CNGA1: variants seen among roughly 807,000 people sequenced by gnomAD.
CNGA1 encodes the protein cyclic nucleotide gated channel subunit alpha 1.
In CNGA1, 53 loss-of-function variants were observed where a neutral mutation model predicts 69.7. The observed-to-expected ratio is 0.76, with a 90% CI of 0.61 to 0.96. CNGA1 has a LOEUF of 0.96. CNGA1 is among the 40% of genes least tolerant of loss of function. The pLI is 0.00. For synonymous variants in CNGA1, 249 were observed against 283.5 expected, an observed-to-expected ratio of 0.88 and a Z score of 1.22; for missense variants, 739 against 811.2, an observed-to-expected ratio of 0.91 and a Z score of 1.08.
chr4:47,956,484 G>A (rs1040373880), intron 3 of CNGA1, among the ~76,000 whole-genome samples: 4 of 152,160 alleles, frequency 2.6e-5, no homozygotes, highest in Non-Finnish European at 4.4e-5. Context: ...GCTAATTCTG[G>A]CATATTGTTC....
intron 2 of CNGA1, among the ~76,000 whole-genome samples, chr4:48,010,377 C>G (rs1715101013): frequency 6.6e-6 from 1 of 152,214 alleles, no homozygotes; most frequent in African/African-American, 2.4e-5. Flanking sequence ...GATGCTTTTA[C>G]AGTGCACTTT....
Position 47,941,998 on chromosome 4 carries a change from T to C in CNGA1, c.545+43A>G, listed in dbSNP as rs375268181. 4.7e-5 allele frequency: 55 copies of C among 1,179,990 alleles called. No individual in the cohort carries two copies. The African/African-American group carries it at 9.0e-4, about 19-fold the overall frequency. The allele number at this position is 1,179,990 out of a possible 1,614,324, so 73.1% of individuals were successfully genotyped here. On this transcript the variant is annotated intron_variant, in intron 9 of 10. Coordinates refer to ENST00000514170, the MANE Select transcript of CNGA1 (RefSeq NM_001379270.1). ...AGTCAGTGAACTTGGAAACTAGAAA[T>C]GGGGTGAGATCCACAAAAAAAAAAA...
At chr4:48,006,045 G>T (rs559718550) in intron 2 of CNGA1, among the ~76,000 whole-genome samples, 3 of 152,192 alleles carry the variant, frequency 2.0e-5, no homozygotes, top group Non-Finnish European at 4.4e-5. Context: ...AAAAACAAAA[G>T]AATCAGCACC....
intron 3 of CNGA1, among the ~76,000 whole-genome samples, chr4:47,976,260 CATATAT>C (rs536418532): frequency 8.7e-5 from 2 of 22,946 alleles, no homozygotes; most frequent in African/African-American, 8.7e-4. Context: ...TATACACATA[CATATAT>C]ATATACATAT....
intron 3 of CNGA1, among the ~76,000 whole-genome samples, chr4:47,971,475 A>C (rs1741033965): frequency 6.6e-6 from 1 of 152,174 alleles, no homozygotes; most frequent in Admixed American, 6.6e-5. Context: ...ATGAACTATA[A>C]AATATGAATT....
Position 47,951,527 on chromosome 4 carries a change from G to A in CNGA1, c.108-58C>T, listed in dbSNP as rs1482756253. The A allele has an allele frequency of 2.7e-6, 3 of 1,115,384 alleles. No homozygotes were observed. In the African/African-American group the frequency reaches 4.6e-5, roughly 17 times the overall value. The allele number at this position is 1,115,384 out of a possible 1,614,324, so 69.1% of individuals were successfully genotyped here. ...TTAATGTTTTCAACCACTGCAGAGA[G>A]GCAACATTCCTCACTAGGGGGACAA... On this transcript the variant is annotated intron_variant, in intron 4 of 10. Transcript: ENST00000514170.
Position 47,983,944 on chromosome 4 carries a change from A to G in CNGA1, c.-122-2444T>C, listed in dbSNP as rs989504990. Among the ~76,000 whole-genome samples, 7 of 152,206 alleles carry G rather than the reference A, an allele frequency of 4.6e-5. No homozygotes were observed. In the East Asian group the frequency reaches 9.6e-4, roughly 21 times the overall value. ...AGAGGGTTACTAGATTTGGCAACTA[A>G]AAGTACAGTATAAGTATATATCAAA... On this transcript the variant is annotated intron_variant, in intron 2 of 10. Coordinates refer to ENST00000514170, the MANE Select transcript of CNGA1 (RefSeq NM_001379270.1).
chr4:47,947,862 G>C (rs1248050002), intron 6 of CNGA1, among the ~76,000 whole-genome samples: 1 of 152,154 alleles, frequency 6.6e-6, no homozygotes, highest in Non-Finnish European at 1.5e-5. Context: ...TGAGCACAAA[G>C]TTTGAAAATC....
intron 2 of CNGA1, among the ~76,000 whole-genome samples, chr4:47,994,210 T>A (rs573271517): frequency 6.6e-6 from 1 of 152,150 alleles, no homozygotes; most frequent in Non-Finnish European, 1.5e-5. Context: ...CAGGGTATAG[T>A]TTAAATCCAT....
intron 9 of CNGA1, among the ~76,000 whole-genome samples, chr4:47,941,681 T>C (rs1264540054): frequency 6.6e-6 from 1 of 152,120 alleles, no homozygotes; most frequent in African/African-American, 2.4e-5. Context: ...GGTACTGGGC[T>C]TAACACCTGG....
rs145520175 is a variant in CNGA1, at chr4:47,941,617, C to G, written c.545+424G>C. 2.7e-3 allele frequency among the ~76,000 whole-genome samples: 410 copies of G among 152,120 alleles called. 2 individuals are homozygous for G. Among genetic ancestry groups the G allele is most frequent in the Middle Eastern group, 0.014 (4 of 294 alleles). ...CCCCTCTAACAACAGACACTGGGGT[C>G]TATTTGAGAGTGGCAGGTGGGAAAA... On this transcript the variant is annotated intron_variant, in intron 9 of 10. Transcript: ENST00000514170.
chr4:47,951,476 T>TC lies in CNGA1; in HGVS notation c.108-8dup. The TC allele has an allele frequency of 6.4e-7, 1 of 1,569,142 alleles. No individual in the cohort carries two copies. The highest frequency in any genetic ancestry group is 2.2e-5 in the East Asian group (1 of 44,632). On this transcript the variant is annotated splice_polypyrimidine_tract_variant and splice_region_variant and intron_variant, in intron 4 of 10. Transcript: ENST00000514170. ...ATCATCCTCAGAAAAGGAGCTACAG[T>TC]CCAATAGGAGGCAGAGAGAGAAGAG...
At chr4:47,951,303 A>G (rs1255945850) in intron 5 of CNGA1, 50 bp downstream of exon 5, 1 of 1,201,002 alleles carries the variant, frequency 8.3e-7, no homozygotes, top group Admixed American at 1.7e-5. Context: ...CTGCAACCTT[A>G]AGCATAAATG....
chr4:48,008,719 G>A (rs753384727), intron 2 of CNGA1, among the ~76,000 whole-genome samples: 1 of 152,146 alleles, frequency 6.6e-6, no homozygotes, highest in Admixed American at 6.5e-5. Flanking sequence ...TTCTGAGACA[G>A]TGAAAAAGAC....
chr4:47,985,390 T>G (rs1400581720), intron 2 of CNGA1, among the ~76,000 whole-genome samples: 3 of 152,226 alleles, frequency 2.0e-5, no homozygotes, highest in African/African-American at 7.2e-5. Flanking sequence ...ATGATGTGAT[T>G]ATAATAAACA....
At position 47,947,168 on chromosome 4, in the gene CNGA1, T is replaced by G. The variant is rs117752158; in HGVS notation, c.287+2665A>C. On this transcript the variant is annotated intron_variant, in intron 6 of 10. Transcript: ENST00000514170. ...ATGTCATTTTCCACTCAGCACCTAT[T>G]TATCAGCCCCCACCTGTGGTCATAT... 1.6e-4 allele frequency among the ~76,000 whole-genome samples: 25 copies of G among 152,272 alleles called. No individual in the cohort carries two copies. The East Asian group carries it at 4.8e-3, about 29-fold the overall frequency.
At chr4:48,005,415 C>T (rs760913278) in intron 2 of CNGA1, among the ~76,000 whole-genome samples, 50 of 152,110 alleles carry the variant, frequency 3.3e-4, no homozygotes, top group Admixed American at 1.3e-4. Flanking sequence ...CACGCCCGGC[C>T]CTGACTTGCT....
rs368061050 is a variant in CNGA1 at position 47,940,887 on chromosome 4, C to T, written c.546-18G>A. The T allele has an allele frequency of 1.5e-4, 228 of 1,514,774 alleles. 2 individuals are homozygous for T. The South Asian group carries it at 2.5e-3, about 16-fold the overall frequency. The allele number at this position is 1,514,774 out of a possible 1,614,324, so 93.8% of individuals were successfully genotyped here. ...AACATGCTCTATAAAAAAAGAAACA[C>T]TTGTATAAATAAAAAAGAAATGGGG... On this transcript the variant is annotated intron_variant, in intron 9 of 10. Transcript: ENST00000514170.
intron 6 of CNGA1, among the ~76,000 whole-genome samples, chr4:47,943,915 A>G (rs568435825): frequency 6.6e-6 from 1 of 152,278 alleles, no homozygotes; most frequent in East Asian, 1.9e-4. Context: ...TTATTAGAAT[A>G]ATTTACCAGA....
Sources: gnomAD v4.1 joint callset for allele counts (sites outside exome capture counted in the v4.1 genomes callset) on GRCh38, gnomAD v4.1.1 for gene constraint, MANE v1.5 for transcripts, NCBI Gene and HGNC (gene_info 2026-07-23, HGNC 2026-07-21) for gene names.